Variants in ZFPM2 observed in about 807,000 individuals in gnomAD.
ZFPM2 encodes the protein zinc finger protein, FOG family member 2.
ZFPM2 carries 20 observed loss-of-function variants against 98.6 expected under a neutral mutation model. That is an observed-to-expected ratio of 0.20 (90% CI 0.14 to 0.29). The LOEUF is 0.29. ZFPM2 is among the 10% of genes least tolerant of loss of function. The pLI, the probability that ZFPM2 is intolerant of heterozygous loss-of-function variation, is 1.00. For synonymous variants in ZFPM2, 518 were observed against 502.7 expected, an observed-to-expected ratio of 1.03 and a Z score of -0.41; for missense variants, 1,310 against 1,388.6, an observed-to-expected ratio of 0.94 and a Z score of 0.90.
At position 105,788,838 on chromosome 8, in the gene ZFPM2, T is replaced by G; in HGVS notation, c.653T>G (p.Met218Arg). ...AGTCAGATGACTCTCACAGAAGGGA[T>G]GTACCCTGCACGCCTGCTGGACTCA... is the stretch of plus-strand genomic sequence containing the variant. ...AASQMTLTEG[M>R]YPARLLDSIQ... The change falls in exon 6 of 8, where the codon ATG (methionine) becomes AGG (arginine). Residue 218 changes from methionine (M) to arginine (R), a missense_variant. Coordinates refer to ENST00000407775, the MANE Select transcript of ZFPM2 (RefSeq NM_012082.4). 6.2e-7 allele frequency: 1 copy of G among 1,613,952 alleles called. No homozygotes were observed. The highest frequency in any genetic ancestry group is 8.5e-7 in the Non-Finnish European group (1 of 1,179,858).
At chr8:105,618,089 G>A (rs1816458395) in intron 4 of ZFPM2, among the ~76,000 whole-genome samples, 1 of 151,962 alleles carries the variant, frequency 6.6e-6, no homozygotes, top group Non-Finnish European at 1.5e-5. Flanking sequence ...TATTAATGAG[G>A]CACCATGTAA....
At chr8:105,441,503 C>CGAAAAAAAGAAAGAAAG (rs1563660188) in intron 2 of ZFPM2, among the ~76,000 whole-genome samples, 1 of 53,344 alleles carries the variant, frequency 1.9e-5, no homozygotes. Flanking sequence ...AGAAAGAAAT[C>CGAAAAAAAGAAAGAAAG]AAAGCCCAGG....
At chr8:105,710,106 A>G (rs772973535) in intron 5 of ZFPM2, among the ~76,000 whole-genome samples, 7 of 146,430 alleles carry the variant, frequency 4.8e-5, no homozygotes, top group Non-Finnish European at 1.1e-4. Context: ...TTTTTTTTTC[A>G]TGAAGAAGCA....
intron 1 of ZFPM2, among the ~76,000 whole-genome samples, chr8:105,379,876 C>T (rs576167641): frequency 1.3e-5 from 2 of 151,900 alleles, no homozygotes; most frequent in East Asian, 3.9e-4. Context: ...TTTTATTTCA[C>T]AATGTAAAAT....
chr8:105,342,418 G>A (rs2129669412), intron 1 of ZFPM2, among the ~76,000 whole-genome samples: 1 of 152,076 alleles, frequency 6.6e-6, no homozygotes, highest in South Asian at 2.1e-4. Flanking sequence ...TGATGGAAGG[G>A]CACAACTGAG....
chr8:105,599,484 G>A (rs1448965631), intron 4 of ZFPM2, among the ~76,000 whole-genome samples: 2 of 151,486 alleles, frequency 1.3e-5, no homozygotes, highest in African/African-American at 2.4e-5. Flanking sequence ...TCATTAGCTC[G>A]TTGTGTACAT....
intron 4 of ZFPM2, among the ~76,000 whole-genome samples, chr8:105,602,880 G>T (rs1307942652): frequency 6.6e-6 from 1 of 151,996 alleles, no homozygotes; most frequent in Non-Finnish European, 1.5e-5. Flanking sequence ...ATTGTTGCTT[G>T]CCCAAAGCTC....
Position 105,802,542 on chromosome 8 carries a change from T to C in ZFPM2, c.2460T>C (p.Ser820=), listed in dbSNP as rs1412851059. 1 of 1,612,026 alleles carries C rather than the reference T, an allele frequency of 6.2e-7. No homozygotes were observed. Among genetic ancestry groups the C allele is most frequent in the Admixed American group, 1.7e-5 (1 of 59,660 alleles). The part of the protein sequence containing the change: ...PVSKCDTTHS[S]VSCLEMDVPI... Reference sequence around the variant, plus strand: ...CCAAATGTGATACTACTCATTCCAGTGTTTCCTGCCTAGAGATGGACGTGC... The same window carrying C: ...CCAAATGTGATACTACTCATTCCAGCGTTTCCTGCCTAGAGATGGACGTGC... Residue 820 remains serine, a synonymous_variant, in exon 8 of 8, where the codon AGT becomes AGC. Transcript: ENST00000407775.
At chr8:105,364,065 ATATAGTGGTCT>A (rs1810457088) in intron 1 of ZFPM2, among the ~76,000 whole-genome samples, 1 of 152,078 alleles carries the variant, frequency 6.6e-6, no homozygotes, top group Admixed American at 6.6e-5. Flanking sequence ...CTCAATTCCT[ATATAGTGGTCT>A]TAGCTTCAAT....
chr8:105,406,050 A>T (rs1811450794), intron 1 of ZFPM2, among the ~76,000 whole-genome samples: 1 of 152,018 alleles, frequency 6.6e-6, no homozygotes, highest in Non-Finnish European at 1.5e-5. Context: ...GCATTTTTTC[A>T]TGTGTGTTTT....
At chr8:105,406,571 A>T (rs1586349752) in intron 1 of ZFPM2, among the ~76,000 whole-genome samples, 1 of 152,012 alleles carries the variant, frequency 6.6e-6, no homozygotes, top group Non-Finnish European at 1.5e-5. Context: ...ACACTCCTGA[A>T]GGAGGGTCAT....
intron 3 of ZFPM2, chr8:105,528,950 G>A (rs1460299917): frequency 6.6e-6 from 1 of 152,098 alleles, no homozygotes; most frequent in East Asian, 1.9e-4. Flanking sequence ...TCATTCTACT[G>A]TAGGGCTTCT....
intron 3 of ZFPM2, among the ~76,000 whole-genome samples, chr8:105,460,622 A>G (rs563541464): frequency 3.1e-4 from 47 of 152,260 alleles, no homozygotes; most frequent in Non-Finnish European, 5.3e-4. Flanking sequence ...TTTGGGTAAA[A>G]TGAAAGGTGT....
chr8:105,327,333 C>T (rs1281807136), intron 1 of ZFPM2, among the ~76,000 whole-genome samples: 1 of 151,546 alleles, frequency 6.6e-6, no homozygotes, highest in African/African-American at 2.4e-5. Flanking sequence ...GAGTTAGAAG[C>T]AAACATTTTT....
rs373935740 is a variant in ZFPM2, at chr8:105,802,855, C to A, written c.2773C>A (p.Pro925Thr). ...TGAGAAAAATGGGAATTTGAAGCAG[C>A]CTTCCCCCAATGGAAACTTATTTTC... ...KCEKNGNLKQPSPNGNLFSSH... is the reference protein window; with the variant it reads ...KCEKNGNLKQTSPNGNLFSSH... Residue 925 changes from proline (P) to threonine (T), a missense_variant, in exon 8 of 8, where the codon CCT becomes ACT. Physicochemically the swap from Pro to Thr is conservative, Grantham distance 38. Transcript: ENST00000407775. 6 of 1,613,694 alleles carry A rather than the reference C, an allele frequency of 3.7e-6. No individual in the cohort carries two copies. Among genetic ancestry groups the A allele is most frequent in the Non-Finnish European group, 5.1e-6 (6 of 1,179,806 alleles).
At chr8:105,492,176 C>T (rs1298587979) in intron 3 of ZFPM2, among the ~76,000 whole-genome samples, 4 of 152,216 alleles carry the variant, frequency 2.6e-5, no homozygotes, top group Non-Finnish European at 4.4e-5. Context: ...TTTTACTGTG[C>T]GTTTTTAAGC....
chr8:105,323,350 G>A (rs1361860036), intron 1 of ZFPM2, among the ~76,000 whole-genome samples: 1 of 150,902 alleles, frequency 6.6e-6, no homozygotes, highest in Non-Finnish European at 1.5e-5. Context: ...TTTTTTTTCT[G>A]AATTTTAGGG....
At chr8:105,327,565 A>G (rs989279385) in intron 1 of ZFPM2, among the ~76,000 whole-genome samples, 3 of 151,714 alleles carry the variant, frequency 2.0e-5, no homozygotes, top group Non-Finnish European at 4.4e-5. Context: ...CTCTTATTCT[A>G]TACAGAAAAA....
chr8:105,330,593 TAC>T (rs1183886414), intron 1 of ZFPM2, among the ~76,000 whole-genome samples: 21 of 40,380 alleles, frequency 5.2e-4, no homozygotes, highest in African/African-American at 1.2e-3. Flanking sequence ...TATATATATA[TAC>T]ATATATATAT....
Sources: allele counts gnomAD v4.1 joint callset (sites outside exome capture counted in the v4.1 genomes callset), GRCh38; gene constraint gnomAD v4.1.1; transcripts MANE v1.5; gene names NCBI Gene and HGNC (gene_info 2026-07-23, HGNC 2026-07-21).